The following MAPK14 variants were observed in gnomAD, a reference collection of about 807,000 sequenced individuals.
MAPK14 encodes the protein CSAID-binding protein.
In MAPK14, 16 loss-of-function variants were observed where a neutral mutation model predicts 49.6. The observed-to-expected ratio is 0.32, with a 90% confidence interval of 0.22 to 0.49. The LOEUF is 0.49. MAPK14 is among the 20% of genes least tolerant of loss of function. MAPK14 has a pLI of 0.99. For missense variants in MAPK14, 200 were observed against 441.2 expected, an observed-to-expected ratio of 0.45 and a Z score of 4.90; for synonymous variants, 142 against 158.0, an observed-to-expected ratio of 0.90 and a Z score of 0.76.
rs761459961 is a variant in MAPK14 at position 36,107,451 on chromosome 6, A to G, written c.842-4A>G. ...CTTTTCCTTCCTGTCTATGGTACTG[A>G]TAGCTGTCGACTTGCTGGAGAAGAT... On this transcript the variant is annotated splice_polypyrimidine_tract_variant and splice_region_variant and intron_variant, in intron 10 of 11. Coordinates refer to ENST00000229794, the MANE Select transcript of MAPK14 (RefSeq NM_139012.3). This position sits in a 1 kb window ranked among gnomAD's most constrained non-coding sequence, Gnocchi z 4.3. 1 of 1,533,372 alleles carries G rather than the reference A, an allele frequency of 6.5e-7. No homozygotes were observed. The highest frequency in any genetic ancestry group is 1.3e-5 in the South Asian group (1 of 76,388). The allele number at this position is 1,533,372 out of a possible 1,614,324, so 95.0% of individuals were successfully genotyped here.
intron 2 of MAPK14, among the ~76,000 whole-genome samples, chr6:36,055,958 A>G (rs1477479345): frequency 1.3e-5 from 2 of 152,140 alleles, no homozygotes; most frequent in African/African-American, 4.8e-5. Flanking sequence ...TTGATTTAGC[A>G]TGGGTAGTTT....
intron 1 of MAPK14, among the ~76,000 whole-genome samples, chr6:36,045,808 C>CAAAAAAAAAAAA (rs371920281): frequency 2.2e-5 from 1 of 46,386 alleles, no homozygotes; most frequent in Non-Finnish European, 4.6e-5. Context: ...GACTCTGTCT[C>CAAAAAAAAAAAA]AAAAAAAAAA....
the MAPK14 span, among the ~76,000 whole-genome samples, chr6:36,117,070 C>G: frequency 5.9e-5 from 9 of 152,150 alleles, no homozygotes; most frequent in Non-Finnish European, 1.0e-4. Context: ...TGCTGCTGGC[C>G]AAATTGGGGA....
chr6:36,058,465 A>G (rs1274282549), intron 2 of MAPK14, among the ~76,000 whole-genome samples: 1 of 152,230 alleles, frequency 6.6e-6, no homozygotes, highest in East Asian at 1.9e-4. Flanking sequence ...TTTAATGGTA[A>G]AGTGGGTTAA....
chr6:36,076,510 A>C, intron 7 of MAPK14, 27 bp from the exon 8 acceptor site: 1 of 1,558,720 alleles, frequency 6.4e-7, no homozygotes, highest in Non-Finnish European at 8.9e-7. Flanking sequence ...CATTGCATAT[A>C]CTTTTACTTC....
intron 3 of MAPK14, among the ~76,000 whole-genome samples, chr6:36,061,923 T>C (rs1763836390): frequency 6.6e-6 from 1 of 152,238 alleles, no homozygotes. Flanking sequence ...TACTTTTTAT[T>C]GTGATGTTCA....
At chr6:36,032,305 A>T (rs539880682) in intron 1 of MAPK14, among the ~76,000 whole-genome samples, 2 of 152,334 alleles carry the variant, frequency 1.3e-5, no homozygotes, top group Non-Finnish European at 2.9e-5. Context: ...ATCAAAATAG[A>T]GTTTTACAAA....
At position 36,110,132 on chromosome 6, in the gene MAPK14, T is replaced by C. The variant is rs1765921773; in HGVS notation, c.*1685T>C. 6.6e-6 allele frequency: 1 copy of C among 152,240 alleles called. No individual in the cohort carries two copies. The highest frequency in any genetic ancestry group is 1.5e-5 in the Non-Finnish European group (1 of 68,040). 9.4% of individuals were successfully genotyped at this position (152,240 alleles called of 1,614,324 possible). ...TTGTTCTACATGAGGACTCATATAT[T>C]TAAGCCTTTTGTGTAATAAGAAAGT... is the stretch of plus-strand genomic sequence containing the variant. On this transcript the variant is annotated 3_prime_UTR_variant, in exon 12 of 12. Transcript: ENST00000229794.
chr6:36,113,029 G>T (rs1663900949), downstream of MAPK14, among the ~76,000 whole-genome samples: 2 of 152,094 alleles, frequency 1.3e-5, no homozygotes, highest in African/African-American at 4.8e-5. Context: ...TATATAATTT[G>T]GTAGCTGCAA....
chr6:36,096,089 T>A (rs747187727), intron 9 of MAPK14, 23 bp downstream of exon 9: 15 of 1,567,572 alleles, frequency 9.6e-6, no homozygotes, highest in Non-Finnish European at 1.3e-5. Context: ...TTTGTAATTA[T>A]CTGCCCTGTT....
rs1164316220 is a variant in MAPK14 at position 36,110,211 on chromosome 6, G to A, written c.*1764G>A. The A allele has an allele frequency of 1.3e-5, 2 of 152,160 alleles. No individual in the cohort carries two copies. Among genetic ancestry groups the A allele is most frequent in the Non-Finnish European group, 2.9e-5 (2 of 68,042 alleles). The allele number at this position is 152,160 out of a possible 1,614,324, so 9.4% of individuals were successfully genotyped here. The stretch of plus-strand genomic sequence containing the variant: ...GACAGAATCTTGTATTTGGGCCAAG[G>A]TGTTTCCATTTCTCAATCAGTGCAG... On this transcript the variant is annotated 3_prime_UTR_variant, in exon 12 of 12. Transcript: ENST00000229794.
chr6:36,096,119 C>T lies in MAPK14; in HGVS notation c.762+53C>T, dbSNP rs530660372. The T allele has an allele frequency of 5.5e-6, 7 of 1,270,378 alleles. No individual in the cohort carries two copies. The East Asian group carries it at 1.6e-4, about 29-fold the overall frequency. The allele number at this position is 1,270,378 out of a possible 1,614,324, so 78.7% of individuals were successfully genotyped here. ...CCTGTTGGGAGCCTCTGCCACTTGC[C>T]TTCTACCAATCTGTACTTTGACCTG... is the stretch of plus-strand genomic sequence containing the variant. On this transcript the variant is annotated intron_variant, in intron 9 of 11. Coordinates refer to ENST00000229794, the MANE Select transcript of MAPK14 (RefSeq NM_139012.3).
chr6:36,038,754 T>C (rs1762845334), intron 1 of MAPK14, among the ~76,000 whole-genome samples: 1 of 152,146 alleles, frequency 6.6e-6, no homozygotes, highest in Admixed American at 6.5e-5. Context: ...TTAAATAACA[T>C]GGGCTGACTT....
chr6:36,058,978 T>C (rs1185744945), intron 2 of MAPK14, among the ~76,000 whole-genome samples: 1 of 151,750 alleles, frequency 6.6e-6, no homozygotes, highest in African/African-American at 2.4e-5. Context: ...CAACCTCCGC[T>C]TCCCAGGTTC....
At chr6:36,079,636 T>G (rs1202073412) in intron 8 of MAPK14, among the ~76,000 whole-genome samples, 1 of 152,220 alleles carries the variant, frequency 6.6e-6, no homozygotes, top group Non-Finnish European at 1.5e-5. Context: ...ACTCATTGTT[T>G]GAGTGTCCAG....
chr6:36,119,976 G>T, the MAPK14 span, among the ~76,000 whole-genome samples: 1 of 152,296 alleles, frequency 6.6e-6, no homozygotes, highest in African/African-American at 2.4e-5. Flanking sequence ...TTGTAGAGGG[G>T]TCACCTCTAG....
chr6:36,116,006 G>T (rs1459899439), downstream of MAPK14, among the ~76,000 whole-genome samples: 1 of 152,118 alleles, frequency 6.6e-6, no homozygotes, highest in Non-Finnish European at 1.5e-5. Context: ...CTACTGAGGA[G>T]GCTGAGGCAG....
At chr6:36,034,976 G>A (rs1168131038) in intron 1 of MAPK14, among the ~76,000 whole-genome samples, 2 of 145,564 alleles carry the variant, frequency 1.4e-5, no homozygotes, top group Non-Finnish European at 3.0e-5. Context: ...TCGGCTCACT[G>A]CAACCTCCGC....
At chr6:36,091,181 C>T (rs1258750989) in intron 8 of MAPK14, among the ~76,000 whole-genome samples, 3 of 151,924 alleles carry the variant, frequency 2.0e-5, no homozygotes, top group Non-Finnish European at 4.4e-5. Flanking sequence ...GCCTGGAGCA[C>T]TTAGAACTGA....
Sources: allele counts gnomAD v4.1 joint callset (sites outside exome capture counted in the v4.1 genomes callset), GRCh38; gene constraint gnomAD v4.1.1; non-coding constraint Gnocchi (gnomAD v3.1); transcripts MANE v1.5; gene names NCBI Gene and HGNC (gene_info 2026-07-23, HGNC 2026-07-21).